The following ANP32A variants were observed in gnomAD, a reference collection of about 807,000 sequenced individuals.
ANP32A encodes the protein acidic nuclear phosphoprotein 32 family member A.
In ANP32A, 1 loss-of-function variant was observed where a neutral mutation model predicts 33.9. The ratio of observed to expected loss-of-function variants is 0.03; its 90% confidence interval spans 0.01 to 0.14. The LOEUF (loss-of-function observed/expected upper bound fraction) is 0.14, where lower values mean the gene tolerates loss of function less well. ANP32A is among the 10% of genes least tolerant of loss of function. The pLI, the probability that ANP32A is intolerant of heterozygous loss-of-function variation, is 1.00. For missense variants in ANP32A, 155 were observed against 306.0 expected, an observed-to-expected ratio of 0.51 and a Z score of 3.68; for synonymous variants, 115 against 120.5, an observed-to-expected ratio of 0.95 and a Z score of 0.30.
At chr15:68,782,271 T>C (rs1370803774) in intron 5 of ANP32A, among the ~76,000 whole-genome samples, 1 of 152,198 alleles carries the variant, frequency 6.6e-6, no homozygotes, top group Non-Finnish European at 1.5e-5. Context: ...TTACCCCTTG[T>C]CAGACACTGT....
chr15:68,794,346 A>C (rs1894036195), intron 1 of ANP32A, among the ~76,000 whole-genome samples: 1 of 152,096 alleles, frequency 6.6e-6, no homozygotes, highest in South Asian at 2.1e-4. Context: ...ACCCCTTTGG[A>C]TTTTTACATC....
rs371236865 is a variant in ANP32A at position 68,780,434 on chromosome 15, C to T, written c.664G>A (p.Glu222Lys). 3.7e-6 allele frequency: 6 copies of T among 1,613,882 alleles called. No homozygotes were observed. The African/African-American group carries it at 4.0e-5, about 11-fold the overall frequency. The part of the protein sequence containing the change: ...EGYNDGEVDD[E>K]EDEEELGEEE... ...CCACCAAGCTCTTCTTCATCTTCCTCGTCATCTACCTCTCCATCGTTATAA... is the reference window on the plus strand; with the variant it reads ...CCACCAAGCTCTTCTTCATCTTCCTTGTCATCTACCTCTCCATCGTTATAA... The change falls in exon 6 of 7, where the codon GAG becomes AAG. Residue 222 changes from glutamate (E) to lysine (K), a missense_variant. By Grantham distance (56) the Glu-to-Lys change is moderately conservative. Around this residue, in one of 4 missense-constraint regions of ANP32A, gnomAD observed 63 missense variants for 82.8 expected, o/e 0.76. Coordinates refer to ENST00000465139, the MANE Select transcript of ANP32A (RefSeq NM_006305.4). The surrounding 1 kb of genome is among the most constrained non-coding windows in gnomAD (Gnocchi z 4.3).
intron 4 of ANP32A, among the ~76,000 whole-genome samples, 158 bp from the exon 5 acceptor site, chr15:68,783,211 A>G (rs1008872298): frequency 6.6e-6 from 1 of 152,146 alleles, no homozygotes; most frequent in African/African-American, 2.4e-5. Flanking sequence ...TCATGAAAAC[A>G]GTGCTGACAT....
chr15:68,784,797 C>T (rs1893912444), intron 3 of ANP32A, among the ~76,000 whole-genome samples: 1 of 152,130 alleles, frequency 6.6e-6, no homozygotes, highest in African/African-American at 2.4e-5. Flanking sequence ...TCGGCGTCTC[C>T]ATCTGGAAAA....
intron 1 of ANP32A, among the ~76,000 whole-genome samples, chr15:68,795,112 G>A (rs1894046767): frequency 1.3e-5 from 2 of 152,104 alleles, no homozygotes; most frequent in Admixed American, 1.3e-4. Context: ...CACATCCCCA[G>A]TGGAAGACCA....
chr15:68,790,758 G>A (rs536551734), intron 1 of ANP32A: 2 of 152,322 alleles, frequency 1.3e-5, no homozygotes, highest in South Asian at 4.1e-4. Context: ...GCCACAAGAT[G>A]AGGAGGGGCC....
chr15:68,781,375 C>CT (rs1415394807), intron 5 of ANP32A: 1 of 145,218 alleles, frequency 6.9e-6, no homozygotes, highest in Non-Finnish European at 1.5e-5. Context: ...ATCCACAACC[C>CT]TCCCCCATCC....
Position 68,782,998 on chromosome 15 carries a change from C to T in ANP32A, c.582G>A (p.Glu194=). 6.4e-7 allele frequency: 1 copy of T among 1,551,324 alleles called. No individual in the cohort carries two copies. Among genetic ancestry groups the T allele is most frequent in the South Asian group, 1.2e-5 (1 of 84,040 alleles). ...QVVEDEEDED[E]EEEGEEEDVS... ...CGTCCTCCTCTTCACCTTCCTCCTCCTCATCCTCGTCCTCCTCGTCTTCCA... is the reference window on the plus strand; with the variant it reads ...CGTCCTCCTCTTCACCTTCCTCCTCTTCATCCTCGTCCTCCTCGTCTTCCA... The change falls in exon 5 of 7, where the codon GAG becomes GAA. Residue 194 remains glutamate (E), a synonymous_variant. Coordinates refer to ENST00000465139, the MANE Select transcript of ANP32A (RefSeq NM_006305.4).
chr15:68,794,891 A>G (rs910021609), intron 1 of ANP32A, among the ~76,000 whole-genome samples: 1 of 152,250 alleles, frequency 6.6e-6, no homozygotes, highest in African/African-American at 2.4e-5. Flanking sequence ...ATAGGCATAC[A>G]CAACTGAAAA....
intron 2 of ANP32A, 98 bp from the exon 3 acceptor site, chr15:68,787,633 A>C (rs1893949071): frequency 1.9e-6 from 3 of 1,600,034 alleles, no homozygotes; most frequent in Non-Finnish European, 2.6e-6. Flanking sequence ...AAGAAGGGAA[A>C]GCAGTCTCAG....
chr15:68,817,529 CAT>C lies in ANP32A; in HGVS notation c.54+3167_54+3168del, dbSNP rs1329656991. On this transcript the variant is annotated intron_variant, in intron 1 of 6. Coordinates refer to ENST00000465139, the MANE Select transcript of ANP32A (RefSeq NM_006305.4). ...CCCCTCACCCCCGCCAAAAGAACCTCATGTTTAATGTTCCCCTTACTCTATCA... is the reference window on the plus strand; with the variant it reads ...CCCCTCACCCCCGCCAAAAGAACCTCGTTTAATGTTCCCCTTACTCTATCA... 3 of 152,716 alleles carry C rather than the reference CAT, an allele frequency of 2.0e-5. No homozygotes were observed. The East Asian group carries it at 5.8e-4, about 29-fold the overall frequency. 9.5% of individuals were successfully genotyped at this position (152,716 alleles called of 1,614,324 possible). A position where few individuals can be genotyped will look rare whatever the true frequency, so the allele number is the denominator to read the frequency against.
intron 1 of ANP32A, among the ~76,000 whole-genome samples, chr15:68,813,595 T>G (rs537946364): frequency 6.6e-6 from 1 of 152,318 alleles, no homozygotes; most frequent in African/African-American, 2.4e-5. Context: ...GGGTAGTTCC[T>G]AGGAGACCAG....
rs1437268157 is a variant in ANP32A, at chr15:68,779,176, A to G, written c.*905T>C. 1 of 149,482 alleles carries G rather than the reference A, an allele frequency of 6.7e-6. No individual in the cohort carries two copies. The highest frequency in any genetic ancestry group is 1.5e-5 in the Non-Finnish European group (1 of 67,210). 9.3% of individuals were successfully genotyped at this position (149,482 alleles called of 1,614,324 possible). A position where few individuals can be genotyped will look rare whatever the true frequency, so the allele number is the denominator to read the frequency against. On this transcript the variant is annotated 3_prime_UTR_variant, in exon 7 of 7. Transcript: ENST00000465139. Reference sequence around the variant, plus strand: ...TAGTTTTTCCGTGCTCGGGTGTATGAAAAAAAAAACCCAGCCGACATGCAG... The same window carrying G: ...TAGTTTTTCCGTGCTCGGGTGTATGGAAAAAAAAACCCAGCCGACATGCAG...
intron 1 of ANP32A, among the ~76,000 whole-genome samples, chr15:68,793,838 G>C (rs976999977): frequency 1.3e-5 from 2 of 152,240 alleles, no homozygotes; most frequent in Non-Finnish European, 2.9e-5. Flanking sequence ...TGCTGCACGG[G>C]TCACATGCCT....
At chr15:68,782,829 T>C in intron 5 of ANP32A, 127 bp downstream of exon 5, 1 of 1,465,622 alleles carries the variant, frequency 6.8e-7, no homozygotes, top group Non-Finnish European at 9.0e-7. Context: ...ATGGACTCAC[T>C]TCACTACCCA....
At chr15:68,786,595 G>A (rs1459641615) in intron 3 of ANP32A, among the ~76,000 whole-genome samples, 1 of 152,070 alleles carries the variant, frequency 6.6e-6, no homozygotes, top group Non-Finnish European at 1.5e-5. Flanking sequence ...TTCACAACAG[G>A]TGTATTTACT....
Position 68,779,588 on chromosome 15 carries a change from T to G in ANP32A, c.*493A>C, listed in dbSNP as rs573682125. ...GGTTGCTATTTACAAACCAGGGCGT[T>G]GGATGCCTCTAGCAGGCCTGAGAAA... is the stretch of plus-strand genomic sequence containing the variant. On this transcript the variant is annotated 3_prime_UTR_variant, in exon 7 of 7. Coordinates refer to ENST00000465139, the MANE Select transcript of ANP32A (RefSeq NM_006305.4). The G allele has an allele frequency of 2.0e-3, 307 of 154,682 alleles. 1 individual carries two copies. The highest frequency in any genetic ancestry group is 3.4e-3 in the Middle Eastern group (1 of 296). 9.6% of individuals were successfully genotyped at this position (154,682 alleles called of 1,614,324 possible).
chr15:68,782,257 A>G (rs1893879179), intron 5 of ANP32A, among the ~76,000 whole-genome samples: 1 of 152,190 alleles, frequency 6.6e-6, no homozygotes. Context: ...AAGCAGTCAG[A>G]CACTTACCCC....
chr15:68,817,131 CAG>C (rs1894393005), intron 1 of ANP32A, among the ~76,000 whole-genome samples: 1 of 152,222 alleles, frequency 6.6e-6, no homozygotes, highest in African/African-American at 2.4e-5. Context: ...TTAAAATTCT[CAG>C]AGATGCCAGC....
Sources: gnomAD v4.1 joint callset for allele counts (sites outside exome capture counted in the v4.1 genomes callset) on GRCh38, gnomAD v4.1.1 for gene constraint, gnomAD v4.1.1 regional missense constraint, Gnocchi (gnomAD v3.1) non-coding constraint, MANE v1.5 for transcripts, NCBI Gene and HGNC (gene_info 2026-07-23, HGNC 2026-07-21) for gene names.